The following KIAA2012 variants were observed in gnomAD, a reference collection of about 807,000 sequenced individuals.
KIAA2012 encodes KIAA2012.
Under a neutral mutation model 150.6 loss-of-function variants are expected in KIAA2012, and 125 were observed. The ratio of observed to expected loss-of-function variants is 0.83; its 90% CI spans 0.72 to 0.96. The LOEUF (loss-of-function observed/expected upper bound fraction) is 0.96, where lower values mean the gene tolerates loss of function less well. Ranked by LOEUF, KIAA2012 falls within the 40% of genes least tolerant of loss-of-function variation. KIAA2012 has a pLI of 0.00. For synonymous variants in KIAA2012, 462 were observed against 504.7 expected, an observed-to-expected ratio of 0.92 and a Z score of 1.13; for missense variants, 1,219 against 1,354.9, an observed-to-expected ratio of 0.90 and a Z score of 1.57.
intron 1 of KIAA2012, among the ~76,000 whole-genome samples, chr2:202,074,623 A>G (rs900508640): frequency 6.6e-6 from 1 of 152,170 alleles, no homozygotes; most frequent in Non-Finnish European, 1.5e-5. Context: ...CCTGTAACCT[A>G]CATACAAGCT....
intron 15 of KIAA2012, among the ~76,000 whole-genome samples, chr2:202,165,588 G>C (rs1691739623): frequency 2.6e-5 from 4 of 152,172 alleles, no homozygotes; most frequent in Non-Finnish European, 5.9e-5. Flanking sequence ...GGGCGCAGTG[G>C]TGCATGCCTG....
intron 20 of KIAA2012, among the ~76,000 whole-genome samples, chr2:202,193,904 G>A (rs924871341): frequency 6.6e-6 from 1 of 152,206 alleles, no homozygotes; most frequent in African/African-American, 2.4e-5. Context: ...TCACAACCCT[G>A]TGAGGCAAGA....
intron 15 of KIAA2012, among the ~76,000 whole-genome samples, chr2:202,165,820 C>T (rs1054105822): frequency 5.3e-5 from 8 of 152,218 alleles, no homozygotes; most frequent in African/African-American, 1.9e-4. Flanking sequence ...CAGTTGACAT[C>T]CAATCAAAAG....
In KIAA2012 at chr2:202,148,364, A is replaced by G. The variant is rs1691344618; in HGVS notation, c.1909-6309A>G. ...GAGGATGTCAAATCTCCTTCTATAA[A>G]GTTGAGGACATTAAAAAATAGATGA... is the stretch of plus-strand genomic sequence containing the variant. On this transcript the variant is annotated intron_variant, in intron 13 of 23. Transcript: ENST00000498697. Among the ~76,000 whole-genome samples the G allele has an allele frequency of 5.9e-5, 9 of 152,302 alleles. No individual in the cohort carries two copies. The South Asian group carries it at 1.9e-3, about 32-fold the overall frequency.
At chr2:202,204,028 CAG>C in intron 23 of KIAA2012, among the ~76,000 whole-genome samples, 1 of 151,788 alleles carries the variant, frequency 6.6e-6, no homozygotes. Context: ...CTTGGCCTCC[CAG>C]AGTGCTGGGA....
intron 15 of KIAA2012, among the ~76,000 whole-genome samples, chr2:202,174,269 A>C (rs1465757872): frequency 1.3e-5 from 2 of 152,186 alleles, no homozygotes; most frequent in Non-Finnish European, 2.9e-5. Context: ...CTGGCCAAGA[A>C]GCATTCTCTT....
chr2:202,148,245 T>C (rs1691342020), intron 13 of KIAA2012, among the ~76,000 whole-genome samples: 1 of 152,144 alleles, frequency 6.6e-6, no homozygotes, highest in Non-Finnish European at 1.5e-5. Context: ...AGTCACGAAA[T>C]GAGCCCCTCA....
At chr2:202,140,054 C>T (rs1182805390) in intron 13 of KIAA2012, among the ~76,000 whole-genome samples, 3 of 152,112 alleles carry the variant, frequency 2.0e-5, no homozygotes, top group Non-Finnish European at 4.4e-5. Flanking sequence ...ATGGTGAAAC[C>T]CCGTCTCTAC....
intron 14 of KIAA2012, among the ~76,000 whole-genome samples, chr2:202,159,212 G>A (rs116440715): frequency 6.6e-6 from 1 of 152,090 alleles, no homozygotes. Context: ...GATGGAGCAG[G>A]GTGCCTTAGG....
At chr2:202,121,854 G>C (rs760947145) in intron 11 of KIAA2012, among the ~76,000 whole-genome samples, 8 of 152,234 alleles carry the variant, frequency 5.3e-5, no homozygotes, top group Non-Finnish European at 1.0e-4. Flanking sequence ...AGAGGCCTAA[G>C]AGCACAATCC....
intron 15 of KIAA2012, among the ~76,000 whole-genome samples, chr2:202,177,681 C>T (rs1288008484): frequency 6.6e-6 from 1 of 152,164 alleles, no homozygotes; most frequent in East Asian, 1.9e-4. Context: ...TCACTGTGCC[C>T]AGCCCACAAA....
chr2:202,110,320 G>A (rs546428816), intron 10 of KIAA2012, among the ~76,000 whole-genome samples: 1 of 152,198 alleles, frequency 6.6e-6, no homozygotes, highest in African/African-American at 2.4e-5. Context: ...AAGGAGTCAA[G>A]GAGGGGACTA....
intron 5 of KIAA2012, among the ~76,000 whole-genome samples, chr2:202,099,272 G>A (rs1689980556): frequency 6.6e-6 from 1 of 152,152 alleles, no homozygotes; most frequent in Admixed American, 6.5e-5. Flanking sequence ...TTACAGGTGT[G>A]AGCCACTGCG....
At chr2:202,188,456 G>A (rs1012620875) in intron 18 of KIAA2012, among the ~76,000 whole-genome samples, 190 bp downstream of exon 18, 7 of 152,032 alleles carry the variant, frequency 4.6e-5, no homozygotes, top group East Asian at 1.9e-4. Flanking sequence ...ACAGGAAAAC[G>A]GGGAGCCTAG....
At chr2:202,078,509 G>A (rs7560862) in intron 2 of KIAA2012, among the ~76,000 whole-genome samples, 70,888 of 151,826 alleles carry the variant, frequency 0.47, 17,718 homozygotes, top group Non-Finnish European at 0.56. Flanking sequence ...AGCTGGTCTC[G>A]AACTCCTAGG....
chr2:202,119,499 C>A (rs1294541257), intron 11 of KIAA2012, among the ~76,000 whole-genome samples: 1 of 152,160 alleles, frequency 6.6e-6, no homozygotes, highest in Non-Finnish European at 1.5e-5. Context: ...TCACCGTCAT[C>A]AGTATTTAAG....
chr2:202,171,769 C>G (rs1483401466), intron 15 of KIAA2012, among the ~76,000 whole-genome samples: 1 of 150,780 alleles, frequency 6.6e-6, no homozygotes, highest in Non-Finnish European at 1.5e-5. Context: ...AACAATTGGA[C>G]TTTTTAATTG....
chr2:202,103,137 C>T (rs1690093225), intron 8 of KIAA2012, 23 bp downstream of exon 8: 1 of 1,547,830 alleles, frequency 6.5e-7, no homozygotes, highest in African/African-American at 1.4e-5. Flanking sequence ...TGCATGGGCA[C>T]TCCTGAGGGA....
chr2:202,129,534 T>C (rs1464830058), intron 12 of KIAA2012, among the ~76,000 whole-genome samples: 3 of 151,666 alleles, frequency 2.0e-5, no homozygotes, highest in East Asian at 2.0e-4. Context: ...GCTTTCACAA[T>C]TTTTTGTGTT....
Sources: allele counts gnomAD v4.1 joint callset (sites outside exome capture counted in the v4.1 genomes callset), GRCh38; gene constraint gnomAD v4.1.1; transcripts MANE v1.5; gene names NCBI Gene and HGNC (gene_info 2026-07-23, HGNC 2026-07-21).